TRRAP: variants seen among roughly 807,000 people sequenced by gnomAD.
TRRAP encodes the protein transformation/transcription domain associated protein.
Under a neutral mutation model 438.8 loss-of-function variants are expected in TRRAP, and 41 were observed. The ratio of observed to expected loss-of-function variants is 0.09; its 90% CI spans 0.07 to 0.12. The LOEUF (loss-of-function observed/expected upper bound fraction) is 0.12. TRRAP is among the 10% of genes least tolerant of loss of function. The pLI is 1.00. For synonymous variants in TRRAP, 1,994 were observed against 1,962.9 expected (o/e 1.02, Z -0.42); for missense variants, 3,122 against 5,055.1 (o/e 0.62, Z 11.60).
rs368850335 is a variant in TRRAP, at chr7:98,897,794, A to T, written c.561A>T (p.Pro187=). ...TCCCCGAGAACACAGTGCCTCCCCC[A>T]GAAATGGTTGGTATGATAACAACGA... ...QVIPENTVPP[P]EMVGMITTIA... The change falls in exon 8 of 73, where the codon CCA becomes CCT. Residue 187 remains proline (P), a synonymous_variant. Coordinates refer to ENST00000456197, the MANE Select transcript of TRRAP (RefSeq NM_001375524.1). The T allele has an allele frequency of 2.5e-6, 4 of 1,613,702 alleles. No individual in the cohort carries two copies. Among genetic ancestry groups the T allele is most frequent in the Non-Finnish European group, 3.4e-6 (4 of 1,179,968 alleles).
At chr7:99,003,360 G>T (rs1197976174) in intron 67 of TRRAP, among the ~76,000 whole-genome samples, 1 of 152,186 alleles carries the variant, frequency 6.6e-6, no homozygotes, top group Non-Finnish European at 1.5e-5. Context: ...GCTCATTTAG[G>T]ATCTATCTCC....
Position 99,004,137 on chromosome 7 carries a change from T to C in TRRAP, c.10310-53T>C, listed in dbSNP as rs959395993. 4.5e-6 allele frequency: 7 copies of C among 1,546,278 alleles called. No homozygotes were observed. In the Admixed American group the frequency reaches 9.3e-5, roughly 20 times the overall value. The stretch of plus-strand genomic sequence containing the variant: ...GGGCTTGAGCGTTTTTTGCAGTGTG[T>C]TAGAACTGGCCCAGATGACTAAAAA... On this transcript the variant is annotated intron_variant, in intron 67 of 72. Coordinates refer to ENST00000456197, the MANE Select transcript of TRRAP (RefSeq NM_001375524.1).
In TRRAP at chr7:98,949,707, G is replaced by A. The variant is rs782749270; in HGVS notation, c.5001G>A (p.Gln1667=). 6.2e-7 allele frequency: 1 copy of A among 1,614,082 alleles called. No homozygotes were observed. The highest frequency in any genetic ancestry group is 2.2e-5 in the East Asian group (1 of 44,882). The change falls in exon 37 of 73, where the codon CAG becomes CAA. Residue 1667 remains glutamine (Q), a synonymous_variant. Transcript: ENST00000456197. ...ACGATGACTCCTGGCTGGCCAGCCA[G>A]CACTCTCTGGTGAGCCAGTTGCGAC... ...VKNDDSWLAS[Q]HSLVSQLRRV... is the part of the protein sequence containing the mutation.
chr7:98,968,619 C>T (rs1354243648), intron 51 of TRRAP, among the ~76,000 whole-genome samples: 1 of 152,102 alleles, frequency 6.6e-6, no homozygotes, highest in African/African-American at 2.4e-5. Context: ...GCAGGTAGTT[C>T]TCGTCCATTT....
rs185997376 is a variant in TRRAP, at chr7:98,978,639, A to T, written c.8499-130A>T. The T allele has an allele frequency of 4.9e-5, 65 of 1,325,638 alleles. No individual in the cohort carries two copies. The East Asian group carries it at 1.2e-3, about 24-fold the overall frequency. The allele number at this position is 1,325,638 out of a possible 1,614,324, so 82.1% of individuals were successfully genotyped here. On this transcript the variant is annotated intron_variant, in intron 57 of 72. Transcript: ENST00000456197. ...AATGGAGCACACCTCCATGTCCCAC[A>T]GAAGTCCACTCTTACTGTGTTGTTC...
At position 98,978,921 on chromosome 7, in the gene TRRAP, G is replaced by A. The variant is rs1164138845; in HGVS notation, c.8634+17G>A. ...CTGGTGCAGGTGAGACGCCCCGGGG[G>A]CATCCCTGCCGCTGCCTGGGTCCCT... On this transcript the variant is annotated intron_variant, in intron 58 of 72. Transcript: ENST00000456197. The A allele has an allele frequency of 1.9e-6, 3 of 1,612,874 alleles. No individual in the cohort carries two copies. The highest frequency in any genetic ancestry group is 2.5e-6 in the Non-Finnish European group (3 of 1,179,950).
Position 98,910,223 on chromosome 7 carries a change from A to ACCCCCCCCCCCCCCCCCCCCCCCCCCCCC in TRRAP, c.1520_1521insCCCCCCCCCCCCCCCCCCCCCCCCCCCCC (p.Ala516ProfsTer14). ...CCTCCCCAGCCCCTGTCCCTGCCCC[A>ACCCCCCCCCCCCCCCCCCCCCCCCCCCCC]CCTCCACCCCCGCCCCCACCCCCAC... On this transcript the variant is annotated frameshift_variant, in exon 15 of 73. Coordinates refer to ENST00000456197, the MANE Select transcript of TRRAP (RefSeq NM_001375524.1). LOFTEE classifies it high-confidence loss of function. 3.9e-6 allele frequency: 1 copy of ACCCCCCCCCCCCCCCCCCCCCCCCCCCCC among 257,398 alleles called. No homozygotes were observed. Among genetic ancestry groups the ACCCCCCCCCCCCCCCCCCCCCCCCCCCCC allele is most frequent in the Non-Finnish European group, 6.0e-6 (1 of 166,688 alleles). The allele number at this position is 257,398 out of a possible 1,614,324, so 15.9% of individuals were successfully genotyped here. A position where few individuals can be genotyped will look rare whatever the true frequency, so the allele number is the denominator to read the frequency against.
At chr7:98,942,761 CT>C (rs1339120034) in intron 30 of TRRAP, among the ~76,000 whole-genome samples, 187 bp from the exon 31 acceptor site, 26 of 152,288 alleles carry the variant, frequency 1.7e-4, no homozygotes, top group African/African-American at 6.3e-4. Context: ...GCAAGGCAGG[CT>C]TTTTATTTTG....
At chr7:98,929,960 C>G in intron 23 of TRRAP, 29 bp from the exon 24 acceptor site, 1 of 1,609,892 alleles carries the variant, frequency 6.2e-7, no homozygotes, top group African/African-American at 1.3e-5. Context: ...CAAGACTGTT[C>G]TCACGTGCCT....
chr7:98,891,729 AG>A (rs1303804264), intron 4 of TRRAP, among the ~76,000 whole-genome samples: 1 of 150,186 alleles, frequency 6.7e-6, no homozygotes, highest in Non-Finnish European at 1.5e-5. Flanking sequence ...TAGTAGAGAC[AG>A]GGTTTCACCA....
chr7:98,902,993 AG>A (rs1163054068), intron 11 of TRRAP, among the ~76,000 whole-genome samples: 3 of 151,528 alleles, frequency 2.0e-5, no homozygotes, highest in African/African-American at 4.8e-5. Context: ...GCGTGAGCCC[AG>A]GAAGTCGAGG....
At chr7:98,929,242 C>T (rs892234112) in intron 23 of TRRAP, among the ~76,000 whole-genome samples, 2 of 151,980 alleles carry the variant, frequency 1.3e-5, no homozygotes, top group Non-Finnish European at 2.9e-5. Flanking sequence ...ACCCAGCCCA[C>T]GCCCAGCTAA....
intron 49 of TRRAP, 61 bp from the exon 50 acceptor site, chr7:98,966,980 A>C: frequency 6.5e-7 from 1 of 1,545,626 alleles, no homozygotes; most frequent in Non-Finnish European, 8.7e-7. Context: ...AGGAGCTTAA[A>C]AAATACTAGA....
At position 98,962,383 on chromosome 7, in the gene TRRAP, C is replaced by G; in HGVS notation, c.6785C>G (p.Thr2262Ser). The change falls in exon 47 of 73, where the codon ACC becomes AGC. Residue 2262 changes from threonine to serine, a missense_variant. Transcript: ENST00000456197. ...AVGKVIYEGL[T>S]NYEKATNANP... ...GGAAAGGTCATCTATGAAGGGCTCACCAACTACGAGAAGGCCACCAATGCC... is the reference window on the plus strand; with the variant it reads ...GGAAAGGTCATCTATGAAGGGCTCAGCAACTACGAGAAGGCCACCAATGCC... 1 of 1,614,230 alleles carries G rather than the reference C, an allele frequency of 6.2e-7. No individual in the cohort carries two copies. Among genetic ancestry groups the G allele is most frequent in the Non-Finnish European group, 8.5e-7 (1 of 1,180,044 alleles).
At chr7:98,892,130 C>T (rs1208670375) in intron 4 of TRRAP, among the ~76,000 whole-genome samples, 1 of 152,132 alleles carries the variant, frequency 6.6e-6, no homozygotes, top group South Asian at 2.1e-4. Flanking sequence ...ACTCCATGTT[C>T]GTACACCAGT....
Position 98,908,211 on chromosome 7 carries a change from C to G in TRRAP, c.1116-517C>G, listed in dbSNP as rs922711388. Reference sequence around the variant, plus strand: ...GCTTATTTCTTTACTTGTGTGTTCTCTGCTGTAAGTAAGCTTCCTGAGGAC... The same window carrying G: ...GCTTATTTCTTTACTTGTGTGTTCTGTGCTGTAAGTAAGCTTCCTGAGGAC... On this transcript the variant is annotated intron_variant, in intron 13 of 72. Coordinates refer to ENST00000456197, the MANE Select transcript of TRRAP (RefSeq NM_001375524.1). This position sits in a 1 kb window ranked among gnomAD's most constrained non-coding sequence, Gnocchi z 4.1. Among the ~76,000 whole-genome samples, 5 of 152,212 alleles carry G rather than the reference C, an allele frequency of 3.3e-5. No homozygotes were observed. Among genetic ancestry groups the G allele is most frequent in the African/African-American group, 1.2e-4 (5 of 41,466 alleles).
Position 99,011,634 on chromosome 7 carries a change from C to T in TRRAP, c.11337+99C>T. On this transcript the variant is annotated intron_variant, in intron 72 of 72. Transcript: ENST00000456197. This position sits in a 1 kb window ranked among gnomAD's most constrained non-coding sequence, Gnocchi z 7.1. ...GAGCTGCTGATGTGCCTCACGGGCT[C>T]TGCGCTCTCCACAGTGGCCAGCACC... 2 of 1,372,196 alleles carry T rather than the reference C, an allele frequency of 1.5e-6. No homozygotes were observed. Among genetic ancestry groups the T allele is most frequent in the South Asian group, 1.4e-5 (1 of 70,742 alleles). The allele number at this position is 1,372,196 out of a possible 1,614,324, so 85.0% of individuals were successfully genotyped here. A position where few individuals can be genotyped will look rare whatever the true frequency, so the allele number is the denominator to read the frequency against.
intron 64 of TRRAP, 38 bp downstream of exon 64, chr7:98,990,657 A>G: frequency 6.4e-7 from 1 of 1,568,704 alleles, no homozygotes; most frequent in Non-Finnish European, 8.7e-7. Context: ...CGTGCACAAA[A>G]CATTGTGTCT....
At chr7:98,971,288 C>A (rs554130179) in intron 52 of TRRAP, among the ~76,000 whole-genome samples, 1 of 152,166 alleles carries the variant, frequency 6.6e-6, no homozygotes, top group Non-Finnish European at 1.5e-5. Context: ...ACCAAATTGT[C>A]GATACCTGAC....
Sources: gnomAD v4.1 joint callset for allele counts (sites outside exome capture counted in the v4.1 genomes callset) on GRCh38, gnomAD v4.1.1 for gene constraint, Gnocchi (gnomAD v3.1) non-coding constraint, MANE v1.5 for transcripts, NCBI Gene and HGNC (gene_info 2026-07-23, HGNC 2026-07-21) for gene names.